Variants in CTNNA3 observed in about 807,000 individuals in gnomAD.
CTNNA3 encodes the protein catenin alpha 3, also known as catenin alpha-3.
A neutral mutation model predicts 95.7 loss-of-function variants in CTNNA3; 76 were observed. The ratio of observed to expected loss-of-function variants is 0.79; its 90% CI spans 0.66 to 0.96. The LOEUF (loss-of-function observed/expected upper bound fraction) is 0.96, where lower values mean the gene tolerates loss of function less well. CTNNA3 is among the 40% of genes least tolerant of loss of function. The pLI is 0.00. For missense variants in CTNNA3, 1,191 were observed against 1,089.8 expected (o/e 1.09, Z -1.31); for synonymous variants, 431 against 374.4 (o/e 1.15, Z -1.74).
At chr10:66,850,197 G>A (rs1461435423) in intron 7 of CTNNA3, among the ~76,000 whole-genome samples, 1 of 152,042 alleles carries the variant, frequency 6.6e-6, no homozygotes, top group Non-Finnish European at 1.5e-5. Context: ...CGAAAAATCT[G>A]GTAAGATCCT....
At chr10:66,441,570 T>G (rs2093375758) in intron 11 of CTNNA3, among the ~76,000 whole-genome samples, 1 of 152,228 alleles carries the variant, frequency 6.6e-6, no homozygotes, top group South Asian at 2.1e-4. Flanking sequence ...CCAATTCCAG[T>G]TATTTGTGTG....
intron 13 of CTNNA3, 142 bp downstream of exon 13, chr10:66,280,328 G>T (rs1264158909): frequency 9.0e-6 from 6 of 670,288 alleles, no homozygotes; most frequent in Non-Finnish European, 1.5e-5. Flanking sequence ...TGACTTTGGG[G>T]ATACATATGA....
At chr10:66,132,859 G>A (rs1000814929) in intron 13 of CTNNA3, among the ~76,000 whole-genome samples, 13 of 152,028 alleles carry the variant, frequency 8.6e-5, no homozygotes, top group African/African-American at 3.1e-4. Context: ...GAGAACTCAT[G>A]GACACAAAGA....
At chr10:67,143,626 T>A (rs1860701043) in intron 7 of CTNNA3, among the ~76,000 whole-genome samples, 2 of 152,058 alleles carry the variant, frequency 1.3e-5, no homozygotes, top group South Asian at 4.2e-4. Flanking sequence ...ATAGAGTTCA[T>A]CTCAAGAAAC....
intron 3 of CTNNA3, among the ~76,000 whole-genome samples, chr10:67,595,958 T>C (rs971253988): frequency 6.6e-6 from 1 of 152,196 alleles, no homozygotes; most frequent in Non-Finnish European, 1.5e-5. Flanking sequence ...CCTCAGCTCT[T>C]TTTTGTTTTC....
intron 13 of CTNNA3, among the ~76,000 whole-genome samples, chr10:66,199,733 C>T (rs1253412019): frequency 1.6e-5 from 2 of 123,660 alleles, no homozygotes; most frequent in Non-Finnish European, 3.2e-5. Context: ...TCCTGATTAG[C>T]TGGGATTACA....
chr10:66,726,255 C>T (rs918925649), intron 9 of CTNNA3, among the ~76,000 whole-genome samples: 1 of 151,734 alleles, frequency 6.6e-6, no homozygotes, highest in East Asian at 1.9e-4. Context: ...ATCAGAGTGG[C>T]CAAAGAATTT....
chr10:66,074,600 CAT>C (rs2080511695), intron 14 of CTNNA3, among the ~76,000 whole-genome samples: 1 of 151,872 alleles, frequency 6.6e-6, no homozygotes. Flanking sequence ...AGGCCAGACT[CAT>C]ATAGTATATG....
chr10:67,082,459 C>T (rs1271972589), intron 7 of CTNNA3, among the ~76,000 whole-genome samples: 1 of 152,064 alleles, frequency 6.6e-6, no homozygotes, highest in South Asian at 2.1e-4. Flanking sequence ...AAACCCTAAA[C>T]CCCCAAGCAG....
chr10:66,032,073 A>G (rs1326421949), intron 15 of CTNNA3, among the ~76,000 whole-genome samples: 2 of 152,202 alleles, frequency 1.3e-5, no homozygotes, highest in African/African-American at 4.8e-5. Context: ...AGCTAAACAT[A>G]AAAGTAGCTA....
Position 66,951,088 on chromosome 10 carries a change from T to TACAC in CTNNA3, c.1048-175568_1048-175565dup, listed in dbSNP as rs3056558. On this transcript the variant is annotated intron_variant, in intron 7 of 17. Transcript: ENST00000433211. ...TGCCAGCTTTTTCTTTAACATTAAA[T>TACAC]ACACACACACACACACACACACACA... 9.3e-3 allele frequency among the ~76,000 whole-genome samples: 1,353 copies of TACAC among 146,132 alleles called. 17 individuals carry two copies. Among genetic ancestry groups the TACAC allele is most frequent in the East Asian group, 0.065 (317 of 4,872 alleles).
intron 9 of CTNNA3, among the ~76,000 whole-genome samples, chr10:66,710,550 A>C (rs1396784714): frequency 2.6e-5 from 4 of 151,892 alleles, no homozygotes; most frequent in Non-Finnish European, 4.4e-5. Context: ...CTTTGTGATA[A>C]TGAAGAATTA....
At position 66,092,336 on chromosome 10, in the gene CTNNA3, A is replaced by G. The variant is rs1215452328; in HGVS notation, c.1977+10821T>C. Among the ~76,000 whole-genome samples, 4 of 151,934 alleles carry G rather than the reference A, an allele frequency of 2.6e-5. No individual in the cohort carries two copies. In the South Asian group the frequency reaches 6.2e-4, roughly 24 times the overall value. ...GCATTCAGAAAGACTCCTTTAAAAC[A>G]TGTCATATCATGATTCTTCTGGCTT... On this transcript the variant is annotated intron_variant, in intron 14 of 17. Transcript: ENST00000433211.
At chr10:66,328,897 C>T (rs2092288466) in intron 12 of CTNNA3, among the ~76,000 whole-genome samples, 1 of 74,564 alleles carries the variant, frequency 1.3e-5, no homozygotes, top group Non-Finnish European at 3.1e-5. Context: ...CACATACACA[C>T]ACACACATAT....
chr10:67,618,323 A>G (rs1443034487), intron 2 of CTNNA3, among the ~76,000 whole-genome samples: 3 of 152,314 alleles, frequency 2.0e-5, no homozygotes, highest in African/African-American at 4.8e-5. Flanking sequence ...CCAGCCCCGC[A>G]TTCCACTTCC....
intron 13 of CTNNA3, among the ~76,000 whole-genome samples, chr10:66,203,948 A>G (rs1047202402): frequency 3.3e-5 from 5 of 152,084 alleles, no homozygotes; most frequent in Admixed American, 3.3e-4. Context: ...CGTATTTCAC[A>G]TTTACTACTC....
chr10:66,123,002 C>T (rs1207180652), intron 13 of CTNNA3, among the ~76,000 whole-genome samples: 3 of 152,154 alleles, frequency 2.0e-5, no homozygotes, highest in South Asian at 2.1e-4. Context: ...ATAATTCCAC[C>T]CCAGCCCCTC....
chr10:66,481,210 A>G (rs1253505228), intron 11 of CTNNA3, among the ~76,000 whole-genome samples: 1 of 152,152 alleles, frequency 6.6e-6, no homozygotes, highest in East Asian at 1.9e-4. Flanking sequence ...GGGTTACTGT[A>G]TTAAAAATTC....
chr10:67,485,759 C>A (rs1267216076), intron 5 of CTNNA3, among the ~76,000 whole-genome samples: 2 of 152,174 alleles, frequency 1.3e-5, no homozygotes, highest in Non-Finnish European at 2.9e-5. Flanking sequence ...CAGAGGCTAA[C>A]GGCATACCTA....
Sources: gnomAD v4.1 joint callset for allele counts (sites outside exome capture counted in the v4.1 genomes callset) on GRCh38, gnomAD v4.1.1 for gene constraint, MANE v1.5 for transcripts, NCBI Gene and HGNC (gene_info 2026-07-23, HGNC 2026-07-21) for gene names.